Variants in TBL1X observed in about 807,000 individuals in gnomAD.
TBL1X encodes the protein F-box-like/WD repeat-containing protein TBL1X.
A neutral mutation model predicts 50.7 loss-of-function variants in TBL1X; 10 were observed. The ratio of observed to expected loss-of-function variants is 0.20; its 90% CI spans 0.12 to 0.33. TBL1X has a LOEUF of 0.33. Among genes scored for constraint, TBL1X ranks in the 10% least tolerant of loss-of-function variants. The pLI, the probability that TBL1X is intolerant of heterozygous loss-of-function variation, is 1.00. For missense variants in TBL1X, 340 were observed against 504.4 expected, an observed-to-expected ratio of 0.67 and a Z score of 3.12; for synonymous variants, 190 against 214.7, an observed-to-expected ratio of 0.88 and a Z score of 1.01.
At chrX:9,713,036 C>T (rs1345606337) in intron 16 of TBL1X, among the ~76,000 whole-genome samples, 2 of 111,245 alleles carry the variant, frequency 1.8e-5, no homozygotes, top group African/African-American at 6.6e-5. Flanking sequence ...GGATTTATAC[C>T]CTCAAGTTCA....
In TBL1X at chrX:9,631,487, T is replaced by G. The variant is rs530144437; in HGVS notation, c.-130-8786T>G. ...GTGACTATACTTCACAGTAAGCTTA[T>G]TAGCAATAACTCATTGCTTTATTTT... On this transcript the variant is annotated intron_variant, in intron 2 of 17. Coordinates refer to ENST00000645353, the MANE Select transcript of TBL1X (RefSeq NM_005647.4). 5.3e-5 allele frequency among the ~76,000 whole-genome samples: 6 copies of G among 112,628 alleles called. No individual in the cohort carries two copies. In the South Asian group the frequency reaches 1.5e-3, roughly 27 times the overall value.
At chrX:9,716,163 C>G (rs1221227371) in intron 17 of TBL1X, 57 bp from the exon 18 acceptor site, 7 of 1,185,115 alleles carry the variant, frequency 5.9e-6, no homozygotes, top group Non-Finnish European at 8.0e-6. Flanking sequence ...ACTTCTCACT[C>G]TAAAGGCATC....
At chrX:9,554,669 C>T (rs2082286787) in intron 2 of TBL1X, among the ~76,000 whole-genome samples, 1 of 112,300 alleles carries the variant, frequency 8.9e-6, no homozygotes, top group African/African-American at 3.2e-5. Context: ...TATATATTGT[C>T]TTTATCATAT....
At chrX:9,678,397 C>T (rs1331383259) in intron 5 of TBL1X, among the ~76,000 whole-genome samples, 2 of 111,791 alleles carry the variant, frequency 1.8e-5, no homozygotes, top group Non-Finnish European at 3.8e-5. Context: ...GTGGTTGTAT[C>T]TCAATAAAAC....
At position 9,621,750 on chromosome X, in the gene TBL1X, C is replaced by T. The variant is rs376277256; in HGVS notation, c.-130-18523C>T. ...CAAGAACACCCAGCCCATTTCCCAA[C>T]GACACAAATTAATACAAATTTAATG... On this transcript the variant is annotated intron_variant, in intron 2 of 17. Transcript: ENST00000645353. Among the ~76,000 whole-genome samples the T allele has an allele frequency of 2.7e-5, 3 of 112,059 alleles. No homozygotes were observed. In the East Asian group the frequency reaches 8.3e-4, roughly 31 times the overall value.
chrX:9,646,626 C>A (rs1026141664), intron 3 of TBL1X, among the ~76,000 whole-genome samples: 1 of 111,639 alleles, frequency 9.0e-6, no homozygotes, highest in East Asian at 2.8e-4. Context: ...TGGAGACAAG[C>A]CCCAAAGACC....
At chrX:9,695,763 A>G (rs746471942) in intron 11 of TBL1X, among the ~76,000 whole-genome samples, 4 of 112,108 alleles carry the variant, frequency 3.6e-5, no homozygotes, top group African/African-American at 1.3e-4. Flanking sequence ...ACCAGTAACT[A>G]CTGCCCTTTA....
intron 2 of TBL1X, among the ~76,000 whole-genome samples, chrX:9,562,410 T>A (rs1262447081): frequency 1.8e-5 from 2 of 112,399 alleles, no homozygotes; most frequent in Non-Finnish European, 3.8e-5. Flanking sequence ...AAATTTCCTG[T>A]GGGCTTGTTT....
intron 1 of TBL1X, among the ~76,000 whole-genome samples, chrX:9,472,908 G>A (rs867758858): frequency 5.6e-5 from 6 of 106,891 alleles, no homozygotes; most frequent in South Asian, 8.2e-4. Flanking sequence ...GCAAGACTCC[G>A]TCTCAAAAAA....
intron 3 of TBL1X, among the ~76,000 whole-genome samples, chrX:9,647,663 C>T (rs1176159370): frequency 2.7e-5 from 3 of 111,977 alleles, no homozygotes; most frequent in East Asian, 2.8e-4. Flanking sequence ...TTCGGGAAAC[C>T]GGTTAGGTGT....
intron 2 of TBL1X, among the ~76,000 whole-genome samples, chrX:9,526,533 G>A (rs1205428000): frequency 3.6e-5 from 4 of 110,914 alleles, no homozygotes; most frequent in African/African-American, 1.3e-4. Flanking sequence ...GTGCCAAGAT[G>A]TAATTTTTCG....
intron 5 of TBL1X, among the ~76,000 whole-genome samples, chrX:9,671,780 C>G (rs921126392): frequency 1.8e-5 from 2 of 112,252 alleles, no homozygotes; most frequent in African/African-American, 6.5e-5. Context: ...GTTCAATTAC[C>G]AACCCTCTCA....
In TBL1X at chrX:9,708,476, C is replaced by T. The variant is rs142158872; in HGVS notation, c.1237-772C>T. Among the ~76,000 whole-genome samples the T allele has an allele frequency of 2.3e-4, 26 of 111,921 alleles. 1 individual carries two copies. In the East Asian group the frequency reaches 6.7e-3, roughly 29 times the overall value. On this transcript the variant is annotated intron_variant, in intron 13 of 17. Transcript: ENST00000645353. Reference sequence around the variant, plus strand: ...ATCAGCCCTTACCCCGCTTGAACTCCGTAATAGGTGAGGGTTCACTTCTCA... The same window carrying T: ...ATCAGCCCTTACCCCGCTTGAACTCTGTAATAGGTGAGGGTTCACTTCTCA...
At chrX:9,716,159 C>T (rs1601860913) in intron 17 of TBL1X, 61 bp from the exon 18 acceptor site, 2 of 1,171,749 alleles carry the variant, frequency 1.7e-6, no homozygotes, top group Admixed American at 4.4e-5. Context: ...GCCGACTTCT[C>T]ACTCTAAAGG....
chrX:9,491,481 C>T (rs746888939), intron 1 of TBL1X, among the ~76,000 whole-genome samples: 2 of 106,210 alleles, frequency 1.9e-5, no homozygotes, highest in South Asian at 8.9e-4. Flanking sequence ...GCTGAGACTA[C>T]AGGTGCATAC....
intron 2 of TBL1X, among the ~76,000 whole-genome samples, chrX:9,576,232 G>A (rs2082410921): frequency 8.9e-6 from 1 of 112,246 alleles, no homozygotes; most frequent in African/African-American, 3.2e-5. Flanking sequence ...ATGAACAAGT[G>A]CACTTGAGTA....
intron 5 of TBL1X, among the ~76,000 whole-genome samples, chrX:9,659,006 G>A (rs1247909474): frequency 9.0e-6 from 1 of 111,487 alleles, no homozygotes; most frequent in African/African-American, 3.3e-5. Flanking sequence ...TATTTTATTT[G>A]TAGAGACAGG....
At chrX:9,676,973 C>T (rs1301419400) in intron 5 of TBL1X, among the ~76,000 whole-genome samples, 7 of 111,723 alleles carry the variant, frequency 6.3e-5, no homozygotes, top group African/African-American at 2.3e-4. Context: ...TGAATTCGCC[C>T]CACAGATGAA....
At chrX:9,558,094 T>G (rs2146997956) in intron 2 of TBL1X, among the ~76,000 whole-genome samples, 1 of 112,871 alleles carries the variant, frequency 8.9e-6, no homozygotes, top group Admixed American at 9.4e-5. Context: ...ACAAATTATT[T>G]TAAAGGTGTC....
Sources: gnomAD v4.1 joint callset for allele counts (sites outside exome capture counted in the v4.1 genomes callset) on GRCh38, gnomAD v4.1.1 for gene constraint, MANE v1.5 for transcripts, NCBI Gene and HGNC (gene_info 2026-07-23, HGNC 2026-07-21) for gene names.